The following EPM2A variants were observed in gnomAD, a reference collection of about 807,000 sequenced individuals.
EPM2A encodes laforin.
Under a neutral mutation model 26.5 loss-of-function variants are expected in EPM2A, and 21 were observed. The ratio of observed to expected loss-of-function variants is 0.79; its 90% CI spans 0.56 to 1.14. EPM2A has a LOEUF of 1.14. EPM2A is among the 50% of genes most tolerant of loss of function. The probability of loss-of-function intolerance (pLI) is 0.00; values close to 1 mark genes in which losing one functional copy is unlikely to be tolerated. For missense variants in EPM2A, 458 were observed against 440.8 expected (o/e 1.04, Z -0.35); for synonymous variants, 217 against 177.6 (o/e 1.22, Z -1.76).
intron 1 of EPM2A, among the ~76,000 whole-genome samples, chr6:145,696,458 G>C (rs1416365905): frequency 1.3e-5 from 2 of 152,026 alleles, no homozygotes; most frequent in Admixed American, 6.6e-5. Flanking sequence ...TAAGTGAAGT[G>C]ATATGTGTTA....
At chr6:145,674,949 T>C (rs1244306724) in intron 2 of EPM2A, among the ~76,000 whole-genome samples, 1 of 151,860 alleles carries the variant, frequency 6.6e-6, no homozygotes, top group Non-Finnish European at 1.5e-5. Flanking sequence ...ACGAAGATAC[T>C]CCTCAAGAAG....
At chr6:145,577,231 A>G (rs1781043866) in intron 2 of EPM2A, among the ~76,000 whole-genome samples, 1 of 152,046 alleles carries the variant, frequency 6.6e-6, no homozygotes, top group Non-Finnish European at 1.5e-5. Flanking sequence ...TAAAAGACAT[A>G]GAATGTCTGA....
rs370204628 is a variant in EPM2A at position 145,582,005 on chromosome 6, GGTAAGGTTCCTCTA to G, written c.340+53226_340+53239del. 3.2e-3 allele frequency among the ~76,000 whole-genome samples: 480 copies of G among 152,118 alleles called. 7 individuals are homozygous for G. Among genetic ancestry groups the G allele is most frequent in the Non-Finnish European group, 2.9e-3 (199 of 67,964 alleles). On this transcript the variant is annotated intron_variant, in intron 2 of 3. Coordinates refer to the EPM2A transcript ENST00000450221. ...TTTTTTGTATTTCTCTGGGGTCAGT[GGTAAGGTTCCTCTA>G]TGTGTGATGTTAGGTTGTGAATTTG...
intron 1 of EPM2A, among the ~76,000 whole-genome samples, chr6:145,702,965 T>C (rs1299414122): frequency 6.6e-6 from 1 of 152,250 alleles, no homozygotes; most frequent in South Asian, 2.1e-4. Context: ...GAGTTAACTT[T>C]TATTAATCTC....
At chr6:145,403,909 C>A (rs1778531324) in intron 4 of EPM2A, among the ~76,000 whole-genome samples, 1 of 152,136 alleles carries the variant, frequency 6.6e-6, no homozygotes, top group Non-Finnish European at 1.5e-5. Flanking sequence ...CTTTTCTCCA[C>A]ATCCTTGTCA....
chr6:145,532,783 A>T (rs1465837328), intron 2 of EPM2A, among the ~76,000 whole-genome samples: 1 of 152,136 alleles, frequency 6.6e-6, no homozygotes, highest in African/African-American at 2.4e-5. Context: ...CATCTGTCTG[A>T]TGTCCCTTCC....
chr6:145,600,776 AG>A (rs1781407026), intron 2 of EPM2A, among the ~76,000 whole-genome samples: 1 of 152,198 alleles, frequency 6.6e-6, no homozygotes, highest in Admixed American at 6.5e-5. Context: ...TCCTTTAGGC[AG>A]TTTATCCTGA....
intron 4 of EPM2A, among the ~76,000 whole-genome samples, chr6:145,417,653 C>T (rs1018331816): frequency 1.3e-5 from 2 of 152,106 alleles, no homozygotes; most frequent in Admixed American, 6.6e-5. Flanking sequence ...TCATCTTTTT[C>T]TGGTATTTTC....
At chr6:145,401,388 A>C (rs1372891379) in intron 4 of EPM2A, among the ~76,000 whole-genome samples, 1 of 152,128 alleles carries the variant, frequency 6.6e-6, no homozygotes, top group Non-Finnish European at 1.5e-5. Flanking sequence ...GTGTTCCTTG[A>C]GTATGAATGT....
At chr6:145,573,709 T>G (rs1303389820) in intron 2 of EPM2A, among the ~76,000 whole-genome samples, 1 of 152,338 alleles carries the variant, frequency 6.6e-6, no homozygotes, top group South Asian at 2.1e-4. Flanking sequence ...ACCCTACCAG[T>G]CAGGGAGCCA....
intron 2 of EPM2A, among the ~76,000 whole-genome samples, chr6:145,549,385 T>G (rs1780624835): frequency 6.6e-6 from 1 of 152,160 alleles, no homozygotes; most frequent in Non-Finnish European, 1.5e-5. Context: ...ATTGTTTTCA[T>G]GATTTATACA....
intron 2 of EPM2A, among the ~76,000 whole-genome samples, chr6:145,597,853 TTAAGGA>T (rs1781368475): frequency 6.6e-6 from 1 of 152,184 alleles, no homozygotes; most frequent in African/African-American, 2.4e-5. Flanking sequence ...CATTAGTTTG[TTAAGGA>T]TAATTGCCTC....
intron 2 of EPM2A, among the ~76,000 whole-genome samples, chr6:145,651,097 T>C (rs942179169): frequency 5.3e-5 from 8 of 152,104 alleles, no homozygotes; most frequent in East Asian, 1.9e-4. Flanking sequence ...CAGGAAGCAA[T>C]TGAAGAATAG....
Position 145,627,100 on chromosome 6 carries a change from A to G in EPM2A, c.*316T>C. ...CTGTCACGGATCCATCGTGCAACAC[A>G]TACAGTGCTGTAAAGCAAAGGCCTC... On this transcript the variant is annotated 3_prime_UTR_variant, in exon 4 of 4. Coordinates refer to ENST00000367519, the MANE Select transcript of EPM2A (RefSeq NM_005670.4). 1 of 1,270,486 alleles carries G rather than the reference A, an allele frequency of 7.9e-7. No homozygotes were observed. The highest frequency in any genetic ancestry group is 1.0e-6 in the Non-Finnish European group (1 of 996,996). 78.7% of individuals were successfully genotyped at this position (1,270,486 alleles called of 1,614,324 possible). A position where few individuals can be genotyped will look rare whatever the true frequency, so the allele number is the denominator to read the frequency against.
intron 2 of EPM2A, among the ~76,000 whole-genome samples, chr6:145,511,685 C>T (rs1780056798): frequency 6.6e-6 from 1 of 152,016 alleles, no homozygotes; most frequent in Admixed American, 6.5e-5. Context: ...CAGTTCTTGT[C>T]CCCTAAGAAG....
intron 1 of EPM2A, among the ~76,000 whole-genome samples, chr6:145,714,946 G>A (rs573569842): frequency 6.6e-6 from 1 of 152,298 alleles, no homozygotes; most frequent in Non-Finnish European, 1.5e-5. Context: ...AATTAGTGGT[G>A]AGTCAGTGAG....
At chr6:145,709,633 C>T (rs575968241) in intron 1 of EPM2A, among the ~76,000 whole-genome samples, 2 of 152,266 alleles carry the variant, frequency 1.3e-5, no homozygotes, top group Admixed American at 1.3e-4. Context: ...AGTGTAAGAA[C>T]AGACTAATAC....
At position 145,545,602 on chromosome 6, in the gene EPM2A, A is replaced by G. The variant is rs553296717; in HGVS notation, c.341-43027T>C. Reference sequence around the variant, plus strand: ...TTCTTTCTTCCCCAAGTCATACCAGAGAGTTCTTTTAAGTAAATAAATCTA... The same window carrying G: ...TTCTTTCTTCCCCAAGTCATACCAGGGAGTTCTTTTAAGTAAATAAATCTA... On this transcript the variant is annotated intron_variant, in intron 2 of 3. Transcript: ENST00000450221. Among the ~76,000 whole-genome samples the G allele has an allele frequency of 3.0e-4, 45 of 152,286 alleles. 2 individuals carry two copies. The South Asian group carries it at 9.1e-3, about 31-fold the overall frequency.
At chr6:145,663,365 G>C (rs1439531356) in intron 2 of EPM2A, among the ~76,000 whole-genome samples, 2 of 152,212 alleles carry the variant, frequency 1.3e-5, no homozygotes, top group African/African-American at 4.8e-5. Flanking sequence ...ATCTCACTAG[G>C]GAGTGCCAGA....
Sources: gnomAD v4.1 joint callset for allele counts (sites outside exome capture counted in the v4.1 genomes callset) on GRCh38, gnomAD v4.1.1 for gene constraint, MANE v1.5 for transcripts, NCBI Gene and HGNC (gene_info 2026-07-23, HGNC 2026-07-21) for gene names.